The following WARS2 variants were observed in gnomAD, a reference collection of about 807,000 sequenced individuals.
The protein encoded by WARS2 is tryptophanyl tRNA synthetase 2, mitochondrial.
A neutral mutation model predicts 36.5 loss-of-function variants in WARS2; 28 were observed. That is an observed-to-expected ratio of 0.77 (90% CI 0.57 to 1.05). WARS2 has a LOEUF of 1.05. WARS2 is among the 50% of genes least tolerant of loss of function. The probability of loss-of-function intolerance (pLI) is 0.00; values close to 1 mark genes in which losing one functional copy is unlikely to be tolerated. For synonymous variants in WARS2, 174 were observed against 178.4 expected, an observed-to-expected ratio of 0.98 and a Z score of 0.20; for missense variants, 435 against 456.8, an observed-to-expected ratio of 0.95 and a Z score of 0.44.
intron 2 of WARS2, among the ~76,000 whole-genome samples, chr1:119,055,909 A>G (rs1271759110): frequency 2.0e-5 from 3 of 152,282 alleles, no homozygotes; most frequent in African/African-American, 7.2e-5. Flanking sequence ...ATACATCAAC[A>G]AATCAAATTA....
chr1:119,042,525 T>A (rs1198732351), intron 3 of WARS2, among the ~76,000 whole-genome samples, 176 bp from the exon 4 acceptor site: 1 of 152,124 alleles, frequency 6.6e-6, no homozygotes, highest in Non-Finnish European at 1.5e-5. Flanking sequence ...TGGCTTGTCT[T>A]CATGCTCCAG....
chr1:119,121,923 C>T (rs1006506191), intron 1 of WARS2, among the ~76,000 whole-genome samples: 1 of 152,104 alleles, frequency 6.6e-6, no homozygotes, highest in Non-Finnish European at 1.5e-5. Flanking sequence ...AATCTGAGAC[C>T]TCAAACCTAA....
chr1:119,042,207 A>G, intron 4 of WARS2, 57 bp downstream of exon 4: 1 of 1,554,126 alleles, frequency 6.4e-7, no homozygotes, highest in South Asian at 1.1e-5. Flanking sequence ...TGAATAGGTT[A>G]AAACACTCTC....
intron 2 of WARS2, among the ~76,000 whole-genome samples, chr1:119,056,462 T>A (rs1440336917): frequency 6.7e-6 from 1 of 149,200 alleles, no homozygotes; most frequent in African/African-American, 2.4e-5. Flanking sequence ...TTAAACATTA[T>A]ATATTTTTAT....
intron 1 of WARS2, among the ~76,000 whole-genome samples, chr1:119,137,274 T>C (rs983509797): frequency 3.9e-5 from 6 of 152,190 alleles, no homozygotes; most frequent in Admixed American, 6.5e-5. Context: ...AATCTAAAAT[T>C]ATTTTAAAAT....
intron 1 of WARS2, among the ~76,000 whole-genome samples, chr1:119,099,693 A>G (rs907135358): frequency 1.3e-5 from 2 of 152,228 alleles, no homozygotes; most frequent in Admixed American, 1.3e-4. Context: ...GCACAAACTT[A>G]CACTGGAGAA....
At chr1:119,131,227 A>T (rs1468370748) in intron 1 of WARS2, among the ~76,000 whole-genome samples, 1 of 152,186 alleles carries the variant, frequency 6.6e-6, no homozygotes, top group African/African-American at 2.4e-5. Flanking sequence ...TATAATTGAC[A>T]TTGCAAAAAG....
intron 1 of WARS2, among the ~76,000 whole-genome samples, chr1:119,092,963 A>G (rs1398043764): frequency 1.3e-5 from 2 of 152,102 alleles, no homozygotes; most frequent in Non-Finnish European, 2.9e-5. Context: ...CTTTTTTCTG[A>G]GTTTTTTAAT....
chr1:119,090,944 A>G (rs1294121011), intron 1 of WARS2, among the ~76,000 whole-genome samples: 2 of 152,200 alleles, frequency 1.3e-5, no homozygotes, highest in African/African-American at 4.8e-5. Flanking sequence ...TGATTGAATT[A>G]GTTGATATGT....
chr1:119,118,742 A>G (rs1038565338), intron 1 of WARS2, among the ~76,000 whole-genome samples: 2 of 152,156 alleles, frequency 1.3e-5, no homozygotes, highest in Non-Finnish European at 2.9e-5. Flanking sequence ...CTCAGCAGAA[A>G]CCCTGCAAGC....
At chr1:119,080,149 A>G (rs587731839) in intron 1 of WARS2, among the ~76,000 whole-genome samples, 1 of 152,306 alleles carries the variant, frequency 6.6e-6, no homozygotes, top group African/African-American at 2.4e-5. Flanking sequence ...AGCAAAGCAG[A>G]AAAACAAACT....
chr1:119,116,856 A>C (rs1655004269), intron 1 of WARS2, among the ~76,000 whole-genome samples: 1 of 152,186 alleles, frequency 6.6e-6, no homozygotes, highest in African/African-American at 2.4e-5. Flanking sequence ...TGAACTCTGT[A>C]ATAATTTCAA....
At position 119,080,777 on chromosome 1, in the gene WARS2, A is replaced by G. The variant is rs1417816512; in HGVS notation, c.91-4170T>C. On this transcript the variant is annotated intron_variant, in intron 1 of 5. Transcript: ENST00000235521. ...GTGGGAGGATGGGGGTTCTGTGTTC[A>G]AAAGCACTAGAGTTAGAAAAGAATG... 5.9e-5 allele frequency among the ~76,000 whole-genome samples: 9 copies of G among 152,316 alleles called. No individual in the cohort carries two copies. In the East Asian group the frequency reaches 1.5e-3, roughly 26 times the overall value.
In WARS2 at chr1:119,076,499, C is replaced by T. The variant is rs149515458; in HGVS notation, c.199G>A (p.Asp67Asn). The change falls in exon 2 of 6, where the codon GAC (aspartate) becomes AAC (asparagine). Residue 67 changes from aspartate to asparagine, a missense_variant. Transcript: ENST00000235521. ...ESWVRLQDEY[D>N]SVLYSIVDLH... ...TCAACAATGCTGTATAATACAGAGTCATATTCATCCTGTAACCTCACCCAG... is the reference window on the plus strand; with the variant it reads ...TCAACAATGCTGTATAATACAGAGTTATATTCATCCTGTAACCTCACCCAG... The T allele has an allele frequency of 1.2e-6, 2 of 1,614,150 alleles. No individual in the cohort carries two copies. The highest frequency in any genetic ancestry group is 2.7e-5 in the African/African-American group (2 of 75,032).
At chr1:119,118,547 G>T (rs750256557) in intron 1 of WARS2, among the ~76,000 whole-genome samples, 5 of 151,670 alleles carry the variant, frequency 3.3e-5, no homozygotes, top group African/African-American at 4.8e-5. Flanking sequence ...TCTTGCTAGA[G>T]ATCTAGATAT....
At chr1:119,113,701 T>C (rs1257852679) in intron 1 of WARS2, among the ~76,000 whole-genome samples, 1 of 152,124 alleles carries the variant, frequency 6.6e-6, no homozygotes, top group East Asian at 1.9e-4. Context: ...ATCAAATCCC[T>C]GCACTTTTGG....
intron 2 of WARS2, 88 bp from the exon 3 acceptor site, chr1:119,045,750 T>TTTTTAA: frequency 9.4e-7 from 1 of 1,065,092 alleles, no homozygotes; most frequent in Non-Finnish European, 1.4e-6. Flanking sequence ...ACCCTAAATG[T>TTTTTAA]CTGAAAATAC....
At chr1:119,104,561 G>A (rs759942094) in intron 1 of WARS2, among the ~76,000 whole-genome samples, 1 of 148,730 alleles carries the variant, frequency 6.7e-6, no homozygotes, top group Non-Finnish European at 1.5e-5. Flanking sequence ...TCCATAAAGA[G>A]ACATGTAAAA....
chr1:119,080,198 G>A (rs2101343323), intron 1 of WARS2, among the ~76,000 whole-genome samples: 1 of 152,226 alleles, frequency 6.6e-6, no homozygotes, highest in East Asian at 1.9e-4. Context: ...ATACCATCCT[G>A]AAATACTTGA....
Sources: allele counts gnomAD v4.1 joint callset (sites outside exome capture counted in the v4.1 genomes callset), GRCh38; gene constraint gnomAD v4.1.1; transcripts MANE v1.5; gene names NCBI Gene and HGNC (gene_info 2026-07-23, HGNC 2026-07-21).